ADARB2: variants seen among roughly 807,000 people sequenced by gnomAD.
ADARB2 encodes the protein inactive double-stranded RNA-specific editase B2.
Under a neutral mutation model 62.2 loss-of-function variants are expected in ADARB2, and 25 were observed. The observed-to-expected ratio is 0.40, with a 90% CI of 0.29 to 0.56. ADARB2 has a LOEUF of 0.56. Ranked by LOEUF, ADARB2 falls within the 20% of genes least tolerant of loss-of-function variation. ADARB2 has a pLI of 0.43. For missense variants in ADARB2, 1,071 were observed against 1,077.4 expected (o/e 0.99, Z 0.08); for synonymous variants, 572 against 500.8 (o/e 1.14, Z -1.90).
Position 1,590,047 on chromosome 10 carries a change from G to A in ADARB2, c.100+147004C>T, listed in dbSNP as rs192507249. Among the ~76,000 whole-genome samples, 759 of 152,346 alleles carry A rather than the reference G, an allele frequency of 5.0e-3. 9 individuals are homozygous for A. Among genetic ancestry groups the A allele is most frequent in the African/African-American group, 0.017 (719 of 41,574 alleles). ...ATTTGGGGAATGGGCCTGAGAGAGT[G>A]TCCAGGCCCCTGTGGGCTGTGTGAG... On this transcript the variant is annotated intron_variant, in intron 1 of 9. Transcript: ENST00000381312.
In ADARB2 at chr10:1,398,224, C is replaced by T. The variant is rs947610328; in HGVS notation, c.101-19064G>A. ...GGGTCACCATCAGTCTCTCCCCTCC[C>T]GAGTGCAGGCTTCCTGGGTCACCGT... On this transcript the variant is annotated intron_variant, in intron 1 of 9. Transcript: ENST00000381312. The surrounding 1 kb of genome is among the most constrained non-coding windows in gnomAD (Gnocchi z 4.1). 2.6e-5 allele frequency among the ~76,000 whole-genome samples: 4 copies of T among 151,642 alleles called. No homozygotes were observed. The highest frequency in any genetic ancestry group is 5.9e-5 in the Non-Finnish European group (4 of 67,896).
At chr10:1,186,574 C>T (rs1372728829) in intron 8 of ADARB2, 1 of 518,996 alleles carries the variant, frequency 1.9e-6, no homozygotes, top group Non-Finnish European at 3.8e-6. Context: ...ATCAGCTCTG[C>T]CTCTCCAGCC....
intron 3 of ADARB2, among the ~76,000 whole-genome samples, chr10:1,299,539 T>G (rs900563305): frequency 6.6e-6 from 1 of 152,094 alleles, no homozygotes; most frequent in African/African-American, 2.4e-5. Flanking sequence ...ATGAGAACTC[T>G]GCCCTGGCTG....
At chr10:1,339,175 G>A (rs1196539520) in intron 3 of ADARB2, among the ~76,000 whole-genome samples, 1 of 152,214 alleles carries the variant, frequency 6.6e-6, no homozygotes, top group Non-Finnish European at 1.5e-5. Context: ...GCCTGTAGCT[G>A]AGCATGGACC....
intron 1 of ADARB2, among the ~76,000 whole-genome samples, chr10:1,452,482 A>C (rs992711881): frequency 2.6e-5 from 4 of 152,218 alleles, no homozygotes; most frequent in African/African-American, 9.6e-5. Flanking sequence ...GGTTGAGTTC[A>C]TGTCCTTTGC....
chr10:1,489,123 C>G (rs1831588940), intron 1 of ADARB2, among the ~76,000 whole-genome samples: 3 of 152,268 alleles, frequency 2.0e-5, no homozygotes, highest in Non-Finnish European at 4.4e-5. Flanking sequence ...AAATGTCTCT[C>G]AATTTGCTCA....
At chr10:1,464,356 G>A (rs1831220262) in intron 1 of ADARB2, among the ~76,000 whole-genome samples, 1 of 146,884 alleles carries the variant, frequency 6.8e-6, no homozygotes, top group African/African-American at 2.6e-5. Context: ...CACGCGCGGG[G>A]GCCAGTCACA....
At chr10:1,472,464 C>T (rs556560872) in intron 1 of ADARB2, among the ~76,000 whole-genome samples, 6 of 152,168 alleles carry the variant, frequency 3.9e-5, no homozygotes, top group Admixed American at 1.3e-4. Flanking sequence ...CCAGGTGTGA[C>T]GAGCTCTGGA....
At chr10:1,711,897 A>G (rs1005945485) in intron 1 of ADARB2, among the ~76,000 whole-genome samples, 1 of 152,114 alleles carries the variant, frequency 6.6e-6, no homozygotes, top group African/African-American at 2.4e-5. Context: ...ATTTCATACA[A>G]CTCTGAACCA....
At chr10:1,569,054 G>A (rs1371139702) in intron 1 of ADARB2, among the ~76,000 whole-genome samples, 3 of 151,766 alleles carry the variant, frequency 2.0e-5, no homozygotes, top group Non-Finnish European at 2.9e-5. Flanking sequence ...TAGAGAGACA[G>A]AGAGAAAGAG....
At chr10:1,516,976 C>T (rs2131948837) in intron 1 of ADARB2, among the ~76,000 whole-genome samples, 1 of 152,268 alleles carries the variant, frequency 6.6e-6, no homozygotes, top group Admixed American at 6.5e-5. Flanking sequence ...TGGCGTTTCC[C>T]CCACGCCGGC....
chr10:1,698,026 C>T (rs1339505781), intron 1 of ADARB2, among the ~76,000 whole-genome samples: 8 of 152,186 alleles, frequency 5.3e-5, no homozygotes, highest in Admixed American at 5.2e-4. Flanking sequence ...AAAAACTACA[C>T]ACCTTTGTTA....
chr10:1,253,022 G>A (rs567090966), intron 4 of ADARB2, among the ~76,000 whole-genome samples: 5 of 152,336 alleles, frequency 3.3e-5, no homozygotes, highest in Admixed American at 6.5e-5. Context: ...AAGCACTGTA[G>A]TCAGAGTTTA....
chr10:1,695,302 C>G (rs535284474), intron 1 of ADARB2, among the ~76,000 whole-genome samples: 1 of 152,274 alleles, frequency 6.6e-6, no homozygotes, highest in South Asian at 2.1e-4. Flanking sequence ...AACCCCCTTA[C>G]CAGCGGTGCA....
chr10:1,413,353 T>A (rs1832775067), intron 1 of ADARB2, among the ~76,000 whole-genome samples: 1 of 151,912 alleles, frequency 6.6e-6, no homozygotes, highest in Non-Finnish European at 1.5e-5. Context: ...CGGCGTCGGG[T>A]CTCGCAGAAT....
intron 1 of ADARB2, among the ~76,000 whole-genome samples, chr10:1,664,615 TTCA>T (rs1159648123): frequency 1.3e-5 from 2 of 152,208 alleles, no homozygotes; most frequent in Non-Finnish European, 2.9e-5. Flanking sequence ...ATCTCTCATG[TTCA>T]TCATCTCATT....
intron 1 of ADARB2, among the ~76,000 whole-genome samples, chr10:1,673,697 A>G (rs1356930986): frequency 2.6e-5 from 4 of 152,202 alleles, no homozygotes; most frequent in Non-Finnish European, 4.4e-5. Flanking sequence ...AATCCCTCCA[A>G]TGGAGTCTGC....
chr10:1,404,925 G>A (rs1302702907), intron 1 of ADARB2, among the ~76,000 whole-genome samples: 7 of 152,180 alleles, frequency 4.6e-5, no homozygotes, highest in African/African-American at 1.7e-4. Flanking sequence ...ATTGTTTAAG[G>A]ACACGCAGCT....
intron 1 of ADARB2, among the ~76,000 whole-genome samples, chr10:1,481,639 A>G (rs924054627): frequency 2.8e-3 from 54 of 19,314 alleles, no homozygotes; most frequent in East Asian, 0.5. Context: ...TGTGCGGATC[A>G]CGAGGTCAGG....
Sources: allele counts gnomAD v4.1 joint callset (sites outside exome capture counted in the v4.1 genomes callset), GRCh38; gene constraint gnomAD v4.1.1; non-coding constraint Gnocchi (gnomAD v3.1); transcripts MANE v1.5; gene names NCBI Gene and HGNC (gene_info 2026-07-23, HGNC 2026-07-21).